PRDM5: variants seen among roughly 807,000 people sequenced by gnomAD.
PRDM5 encodes PR/SET domain 5, also known as PR domain zinc finger protein 5.
A neutral mutation model predicts 81.2 loss-of-function variants in PRDM5; 56 were observed. That is an observed-to-expected ratio of 0.69 (90% confidence interval 0.56 to 0.86). The LOEUF (loss-of-function observed/expected upper bound fraction) is 0.86. Ranked by LOEUF, PRDM5 falls within the 40% of genes least tolerant of loss-of-function variation. The pLI is 0.00. For synonymous variants in PRDM5, 267 were observed against 256.4 expected (o/e 1.04, Z -0.39); for missense variants, 697 against 770.1 (o/e 0.91, Z 1.12).
chr4:120,873,462 C>A (rs995373269), intron 2 of PRDM5, among the ~76,000 whole-genome samples: 1 of 152,170 alleles, frequency 6.6e-6, no homozygotes, highest in African/African-American at 2.4e-5. Flanking sequence ...AATTAAAATT[C>A]AACACTCCGG....
intron 15 of PRDM5, among the ~76,000 whole-genome samples, chr4:120,697,891 G>T (rs2148990521): frequency 6.6e-6 from 1 of 150,982 alleles, no homozygotes; most frequent in East Asian, 1.9e-4. Context: ...ATAAGATCAA[G>T]GCAACTTAGT....
chr4:120,904,433 C>T (rs1215890204), intron 2 of PRDM5, among the ~76,000 whole-genome samples: 1 of 151,916 alleles, frequency 6.6e-6, no homozygotes, highest in African/African-American at 2.4e-5. Context: ...CATCAATTCC[C>T]TTTTGTACCT....
chr4:120,766,425 T>C (rs1746394231), intron 13 of PRDM5, among the ~76,000 whole-genome samples: 1 of 152,224 alleles, frequency 6.6e-6, no homozygotes, highest in Non-Finnish European at 1.5e-5. Context: ...TAAATAACAA[T>C]GTATTACAAA....
At chr4:120,744,113 A>G (rs1359918581) in intron 14 of PRDM5, among the ~76,000 whole-genome samples, 1 of 152,218 alleles carries the variant, frequency 6.6e-6, no homozygotes, top group Non-Finnish European at 1.5e-5. Context: ...ACTAGAACGC[A>G]GGATTAAGAA....
intron 1 of PRDM5, among the ~76,000 whole-genome samples, chr4:120,915,683 G>T (rs774277567): frequency 2.0e-5 from 3 of 152,164 alleles, no homozygotes; most frequent in Non-Finnish European, 4.4e-5. Flanking sequence ...AACAGTACAG[G>T]CTCAAGCACT....
At chr4:120,729,653 T>C (rs1402963435) in intron 14 of PRDM5, among the ~76,000 whole-genome samples, 1 of 152,204 alleles carries the variant, frequency 6.6e-6, no homozygotes, top group Non-Finnish European at 1.5e-5. Flanking sequence ...ACAAGGAATT[T>C]AGGTAAAAAT....
chr4:120,686,610 A>C (rs374932415), intron 1 of PRDM5, among the ~76,000 whole-genome samples: 1 of 152,088 alleles, frequency 6.6e-6, no homozygotes, highest in East Asian at 1.9e-4. Context: ...GAAGAAGGTA[A>C]TATATAAGAA....
At chr4:120,710,238 C>G (rs1215269931) in intron 15 of PRDM5, 71 bp downstream of exon 15, 2 of 1,190,504 alleles carry the variant, frequency 1.7e-6, no homozygotes, top group Non-Finnish European at 2.5e-6. Flanking sequence ...CACACACACA[C>G]ATACACACAC....
chr4:120,884,832 A>G (rs1237626195), intron 2 of PRDM5, among the ~76,000 whole-genome samples: 2 of 152,116 alleles, frequency 1.3e-5, no homozygotes, highest in African/African-American at 4.8e-5. Flanking sequence ...CTGGAATAAA[A>G]GCAATCTCTT....
downstream of PRDM5, among the ~76,000 whole-genome samples, chr4:120,691,586 C>CTAATTTTAACCTGATTT (rs1310375433): frequency 6.6e-6 from 1 of 152,088 alleles, no homozygotes; most frequent in Non-Finnish European, 1.5e-5. Context: ...ACTTAAGATG[C>CTAATTTTAACCTGATTT]TACTAATCAG....
chr4:120,861,030 T>C (rs1043650139), intron 2 of PRDM5, among the ~76,000 whole-genome samples: 1 of 152,198 alleles, frequency 6.6e-6, no homozygotes, highest in Non-Finnish European at 1.5e-5. Context: ...GTTGTTAACA[T>C]GGAATCTCGC....
At chr4:120,782,155 G>C (rs1749127785) in intron 11 of PRDM5, among the ~76,000 whole-genome samples, 1 of 152,162 alleles carries the variant, frequency 6.6e-6, no homozygotes, top group African/African-American at 2.4e-5. Flanking sequence ...TGTGTGCAAT[G>C]AGAACACGAT....
chr4:120,839,888 A>T (rs2149389392), intron 3 of PRDM5, among the ~76,000 whole-genome samples: 1 of 152,288 alleles, frequency 6.6e-6, no homozygotes, highest in East Asian at 1.9e-4. Flanking sequence ...GGCAGCGGGG[A>T]GCTGAGGCAG....
chr4:120,687,411 A>T (rs1733878372), downstream of PRDM5, among the ~76,000 whole-genome samples: 2 of 152,110 alleles, frequency 1.3e-5, no homozygotes, highest in South Asian at 4.1e-4. Flanking sequence ...GGCTTATTTC[A>T]TTTAGCATAA....
intron 3 of PRDM5, among the ~76,000 whole-genome samples, chr4:120,846,915 C>T (rs969507195): frequency 6.6e-6 from 1 of 152,048 alleles, no homozygotes; most frequent in Non-Finnish European, 1.5e-5. Flanking sequence ...AAGTAACTTA[C>T]TCAGCCAGCA....
intron 2 of PRDM5, among the ~76,000 whole-genome samples, chr4:120,864,562 C>A (rs1013257586): frequency 1.3e-5 from 2 of 152,142 alleles, no homozygotes; most frequent in African/African-American, 4.8e-5. Flanking sequence ...GATAGGTTGG[C>A]TGAGGATTCC....
At chr4:120,783,738 T>C (rs1386261902) in intron 11 of PRDM5, among the ~76,000 whole-genome samples, 1 of 152,138 alleles carries the variant, frequency 6.6e-6, no homozygotes, top group Admixed American at 6.6e-5. Context: ...TAAGTTGTGC[T>C]AATAACTTCT....
chr4:120,920,008 A>C (rs1022828758), intron 1 of PRDM5, among the ~76,000 whole-genome samples: 1 of 152,220 alleles, frequency 6.6e-6, no homozygotes. Context: ...CCAAGGAAAA[A>C]TCTAGTAGGA....
intron 14 of PRDM5, among the ~76,000 whole-genome samples, chr4:120,727,495 A>G (rs576653742): frequency 1.8e-3 from 280 of 152,290 alleles, no homozygotes; most frequent in African/African-American, 6.4e-3. Context: ...AAAACTCCAG[A>G]ATATTTGAGA....
Sources: gnomAD v4.1 joint callset for allele counts (sites outside exome capture counted in the v4.1 genomes callset) on GRCh38, gnomAD v4.1.1 for gene constraint, MANE v1.5 for transcripts, NCBI Gene and HGNC (gene_info 2026-07-23, HGNC 2026-07-21) for gene names.